RABGAP1L: variants seen among roughly 807,000 people sequenced by gnomAD.
The protein encoded by RABGAP1L is rab GTPase-activating protein 1-like.
RABGAP1L carries 63 observed loss-of-function variants against 137.7 expected under a neutral mutation model. That is an observed-to-expected ratio of 0.46 (90% CI 0.37 to 0.56). The LOEUF (loss-of-function observed/expected upper bound fraction) is 0.56. RABGAP1L is among the 20% of genes least tolerant of loss of function. The pLI is 0.00. For missense variants in RABGAP1L, 1,095 were observed against 1,244.0 expected (o/e 0.88, Z 1.80); for synonymous variants, 431 against 433.7 (o/e 0.99, Z 0.08).
chr1:174,501,216 CTTT>C (rs1371987716), intron 13 of RABGAP1L, among the ~76,000 whole-genome samples: 7 of 141,006 alleles, frequency 5.0e-5, no homozygotes, highest in Non-Finnish European at 1.6e-5. Flanking sequence ...TTTGTTTACT[CTTT>C]TTTTTTTTTT....
intron 13 of RABGAP1L, among the ~76,000 whole-genome samples, chr1:174,589,809 T>C (rs1325793073): frequency 3.3e-5 from 5 of 152,182 alleles, no homozygotes; most frequent in Non-Finnish European, 7.4e-5. Flanking sequence ...TTCTGTTCCA[T>C]TGGTCTATGT....
At chr1:174,886,559 A>G (rs1222357580) in intron 19 of RABGAP1L, among the ~76,000 whole-genome samples, 1 of 152,220 alleles carries the variant, frequency 6.6e-6, no homozygotes, top group African/African-American at 2.4e-5. Context: ...TCAGGAGAAG[A>G]AGGATAAAAA....
chr1:174,988,542 A>G, intron 24 of RABGAP1L, 99 bp from the exon 25 acceptor site: 6 of 1,077,332 alleles, frequency 5.6e-6, no homozygotes, highest in Non-Finnish European at 7.6e-6. Flanking sequence ...GCCTGCATCT[A>G]TGACAATAAG....
chr1:174,807,879 T>C (rs574848148), intron 18 of RABGAP1L, among the ~76,000 whole-genome samples: 1 of 151,972 alleles, frequency 6.6e-6, no homozygotes, highest in East Asian at 1.9e-4. Context: ...GGAGGACTGC[T>C]TAAGGCCAGG....
At chr1:174,627,323 G>C (rs1162947467) in intron 13 of RABGAP1L, among the ~76,000 whole-genome samples, 1 of 152,216 alleles carries the variant, frequency 6.6e-6, no homozygotes, top group African/African-American at 2.4e-5. Flanking sequence ...ATAATAGGCT[G>C]TGGTCATACA....
chr1:174,444,613 C>G (rs1168177604), intron 13 of RABGAP1L, among the ~76,000 whole-genome samples: 1 of 152,052 alleles, frequency 6.6e-6, no homozygotes, highest in Non-Finnish European at 1.5e-5. Flanking sequence ...TTGCTTCAAT[C>G]TCTTTACTCA....
intron 1 of RABGAP1L, among the ~76,000 whole-genome samples, chr1:174,189,083 G>T (rs1218527229): frequency 1.3e-5 from 2 of 152,156 alleles, no homozygotes; most frequent in Non-Finnish European, 2.9e-5. Context: ...TTGGGTCACT[G>T]CAAGCTCCGC....
At chr1:174,176,741 A>AAAAAAAAAAAAT (rs755688394) in intron 1 of RABGAP1L, among the ~76,000 whole-genome samples, 25 of 111,792 alleles carry the variant, frequency 2.2e-4, no homozygotes, top group Non-Finnish European at 3.5e-4. Context: ...AAAAAAAAAA[A>AAAAAAAAAAAAT]AAAAAGGTCA....
chr1:174,598,259 C>T (rs149085250), intron 13 of RABGAP1L, among the ~76,000 whole-genome samples: 2,591 of 140,764 alleles, frequency 0.018, 64 homozygotes, highest in African/African-American at 0.066. Flanking sequence ...ACCCGGGAGG[C>T]GGAGGTTGCA....
chr1:174,986,439 C>T (rs182011344), intron 24 of RABGAP1L, among the ~76,000 whole-genome samples: 2 of 152,306 alleles, frequency 1.3e-5, no homozygotes, highest in Non-Finnish European at 2.9e-5. Context: ...GGGAGTGTCA[C>T]CTTTTATCTA....
At chr1:174,668,806 C>T (rs527374432) in intron 14 of RABGAP1L, among the ~76,000 whole-genome samples, 1 of 152,268 alleles carries the variant, frequency 6.6e-6, no homozygotes, top group Non-Finnish European at 1.5e-5. Context: ...GCTATTCTAA[C>T]AGGAGTTAGG....
At chr1:174,181,332 C>CTTTTTTTTTTTTTTTTTTTTTTT (rs1201957112) in intron 1 of RABGAP1L, among the ~76,000 whole-genome samples, 2 of 142,822 alleles carry the variant, frequency 1.4e-5, no homozygotes. Flanking sequence ...AAGGGTCTTT[C>CTTTTTTTTTTTTTTTTTTTTTTT]TTTTTTTCTT....
chr1:174,613,583 C>T (rs1671485304), intron 13 of RABGAP1L, among the ~76,000 whole-genome samples: 1 of 152,122 alleles, frequency 6.6e-6, no homozygotes, highest in African/African-American at 2.4e-5. Flanking sequence ...CTGCTTGGTG[C>T]AGAGCTGAGT....
At chr1:174,188,879 G>A (rs1667004083) in intron 1 of RABGAP1L, among the ~76,000 whole-genome samples, 2 of 152,192 alleles carry the variant, frequency 1.3e-5, no homozygotes, top group Non-Finnish European at 2.9e-5. Context: ...TTTTGGAATG[G>A]GATATGAACA....
At chr1:174,441,815 AC>A (rs920667625) in intron 13 of RABGAP1L, among the ~76,000 whole-genome samples, 1 of 151,890 alleles carries the variant, frequency 6.6e-6, no homozygotes, top group African/African-American at 2.4e-5. Context: ...AAAAGAAAAA[AC>A]TACTTTGAGC....
chr1:174,395,107 G>A (rs1292590500), intron 13 of RABGAP1L, among the ~76,000 whole-genome samples: 1 of 151,908 alleles, frequency 6.6e-6, no homozygotes, highest in Middle Eastern at 3.2e-3. Flanking sequence ...ACTAATATTT[G>A]GTGTGCCATA....
chr1:174,404,184 A>C (rs1648982453), intron 13 of RABGAP1L, among the ~76,000 whole-genome samples: 1 of 152,190 alleles, frequency 6.6e-6, no homozygotes, highest in Non-Finnish European at 1.5e-5. Context: ...GTCTTAATCA[A>C]ATGTGTAGAA....
At chr1:174,176,741 A>AAAAAAAAAAAAAAAAAATAAAATAAAAT (rs755688394) in intron 1 of RABGAP1L, among the ~76,000 whole-genome samples, 1 of 111,778 alleles carries the variant, frequency 8.9e-6, no homozygotes, top group African/African-American at 3.6e-5. Flanking sequence ...AAAAAAAAAA[A>AAAAAAAAAAAAAAAAAATAAAATAAAAT]AAAAAGGTCA....
At chr1:174,197,788 G>A (rs557469785) in intron 1 of RABGAP1L, among the ~76,000 whole-genome samples, 5 of 151,500 alleles carry the variant, frequency 3.3e-5, no homozygotes, top group African/African-American at 4.9e-5. Flanking sequence ...TAACGAGAGC[G>A]AAACTCCGTC....
Sources: allele counts gnomAD v4.1 joint callset (sites outside exome capture counted in the v4.1 genomes callset), GRCh38; gene constraint gnomAD v4.1.1; transcripts MANE v1.5; gene names NCBI Gene and HGNC (gene_info 2026-07-23, HGNC 2026-07-21).